Variants in MAP4 observed in about 807,000 individuals in gnomAD.
MAP4 encodes the protein microtubule-associated protein 4.
Under a neutral mutation model 170.2 loss-of-function variants are expected in MAP4, and 76 were observed. That is an observed-to-expected ratio of 0.45 (90% CI 0.37 to 0.54). MAP4 has a LOEUF of 0.54. Among genes scored for constraint, MAP4 ranks in the 20% least tolerant of loss-of-function variants. MAP4 has a pLI of 0.00. For missense variants in MAP4, 2,506 were observed against 2,748.0 expected (o/e 0.91, Z 1.97); for synonymous variants, 909 against 994.5 (o/e 0.91, Z 1.62).
At chr3:48,020,392 T>C (rs1476899504), upstream of MAP4, among the ~76,000 whole-genome samples, 4 of 152,230 alleles carry the variant, frequency 2.6e-5, no homozygotes, top group Non-Finnish European at 2.9e-5. Flanking sequence ...CTTGCTGGGG[T>C]TGATGTTTGC....
upstream of MAP4, among the ~76,000 whole-genome samples, chr3:48,018,757 C>T (rs924655900): frequency 4.0e-5 from 6 of 151,894 alleles, no homozygotes; most frequent in Non-Finnish European, 5.9e-5. Flanking sequence ...GAGCCAAGAT[C>T]GTGTCACTGC....
chr3:47,909,722 C>G lies in MAP4; in HGVS notation c.4699G>C (p.Val1567Leu). 6.2e-7 allele frequency: 1 copy of G among 1,614,040 alleles called. No individual in the cohort carries two copies. The highest frequency in any genetic ancestry group is 8.5e-7 in the Non-Finnish European group (1 of 1,179,906). The change falls in exon 9 of 21, where the codon GTC (valine) becomes CTC (leucine). Residue 1567 changes from valine (V) to leucine (L), a missense_variant. Around this residue, in one of 3 missense-constraint regions of MAP4, gnomAD observed 2,008 missense variants for 2,206.0 expected, o/e 0.91. Transcript: ENST00000683076. ...SGASKHSVEK[V>L]TELAKGHLLP... Reference sequence around the variant, plus strand: ...AGGTGACCTTTTGCTAGCTCTGTGACTTTCTCTACTGAATGCTTAGACGCA... The same window carrying G: ...AGGTGACCTTTTGCTAGCTCTGTGAGTTTCTCTACTGAATGCTTAGACGCA...
intron 3 of MAP4, chr3:47,974,023 G>A (rs2100080422): frequency 1.0e-6 from 1 of 985,308 alleles, no homozygotes; most frequent in African/African-American, 1.7e-5. Context: ...CCCTGTAGAA[G>A]AGGGAATGCT....
rs192259647 is a variant in MAP4 at position 47,912,090 on chromosome 3, T to C, written c.2331A>G (p.Gln777=). 7 of 1,536,180 alleles carry C rather than the reference T, an allele frequency of 4.6e-6. No individual in the cohort carries two copies. The East Asian group carries it at 1.5e-4, about 32-fold the overall frequency. ...MMKKKKKKPK[Q]KRYSQPRAGG... is the part of the protein sequence containing the mutation. ...CAGCCCGTGGTTGAGAATATCTCTT[T>C]TGCTTTGGTTTCTTCTTCTTTTTCT... is the stretch of plus-strand genomic sequence containing the variant. The change falls in exon 9 of 21, where the codon CAA becomes CAG. Residue 777 remains glutamine (Q), a synonymous_variant. Coordinates refer to ENST00000683076, the MANE Select transcript of MAP4 (RefSeq NM_001385682.1).
chr3:47,908,911 A>G (rs1043346207), intron 9 of MAP4, 127 bp downstream of exon 9: 1 of 1,018,924 alleles, frequency 9.8e-7, no homozygotes, highest in African/African-American at 1.6e-5. Context: ...TATAGGTTTC[A>G]TGCCAACAAA....
intron 1 of MAP4, among the ~76,000 whole-genome samples, chr3:48,064,826 A>T (rs962357531): frequency 6.6e-6 from 1 of 152,196 alleles, no homozygotes; most frequent in Non-Finnish European, 1.5e-5. Flanking sequence ...TGAATACTGC[A>T]GGCAGTTGTA....
At chr3:47,895,312 C>T (rs1031562302) in intron 10 of MAP4, among the ~76,000 whole-genome samples, 1 of 152,218 alleles carries the variant, frequency 6.6e-6, no homozygotes, top group East Asian at 1.9e-4. Flanking sequence ...GTTTCTTCCT[C>T]TATAAAAGGA....
At chr3:48,048,154 A>G (rs1035636621) in intron 1 of MAP4, among the ~76,000 whole-genome samples, 5 of 152,202 alleles carry the variant, frequency 3.3e-5, no homozygotes, top group African/African-American at 4.8e-5. Context: ...AGAAAAGAAA[A>G]TGACAAGAAC....
In MAP4 at chr3:48,074,679, TGTGTGTGTGTGTG is replaced by T. The variant is rs1559906075; in HGVS notation, c.-20+14081_-20+14093del. Among the ~76,000 whole-genome samples, 190 of 125,426 alleles carry T rather than the reference TGTGTGTGTGTGTG, an allele frequency of 1.5e-3. 2 individuals carry two copies. The highest frequency in any genetic ancestry group is 4.9e-3 in the African/African-American group (172 of 35,224). 82.3% of individuals were successfully genotyped at this position (125,426 alleles called of 152,430 possible). A position where few individuals can be genotyped will look rare whatever the true frequency, so the allele number is the denominator to read the frequency against. On this transcript the variant is annotated intron_variant, in intron 1 of 18. Coordinates refer to the MAP4 transcript ENST00000360240. The stretch of plus-strand genomic sequence containing the variant: ...GCAAGCCACCACATCCAGCTAATTG[TGTGTGTGTGTGTG>T]TGTGTGTGTGTGTGTGTGTGTGTGT...
chr3:47,971,011 A>G (rs1559648359), intron 3 of MAP4, among the ~76,000 whole-genome samples: 1 of 152,194 alleles, frequency 6.6e-6, no homozygotes, highest in Non-Finnish European at 1.5e-5. Flanking sequence ...AACACTCTAA[A>G]CGTAAATGTA....
At chr3:47,882,812 AT>A (rs970187820) in intron 10 of MAP4, among the ~76,000 whole-genome samples, 4 of 147,450 alleles carry the variant, frequency 2.7e-5, no homozygotes, top group Admixed American at 6.8e-5. Flanking sequence ...CCCTACTTTA[AT>A]TTTTTTTTTT....
intron 3 of MAP4, among the ~76,000 whole-genome samples, chr3:47,966,375 T>C (rs2100075049): frequency 1.3e-5 from 2 of 151,132 alleles, no homozygotes; most frequent in African/African-American, 4.9e-5. Flanking sequence ...GCCTCCTGAG[T>C]AGCTGGGACT....
At chr3:47,854,448 G>C (rs1420177501) in intron 19 of MAP4, among the ~76,000 whole-genome samples, 2 of 152,190 alleles carry the variant, frequency 1.3e-5, no homozygotes, top group Admixed American at 1.3e-4. Flanking sequence ...AGAGATGGAA[G>C]GGAAGGCCCA....
At chr3:48,030,724 AG>A (rs1249250166) in intron 1 of MAP4, among the ~76,000 whole-genome samples, 1 of 142,518 alleles carries the variant, frequency 7.0e-6, no homozygotes. Context: ...GCTTGAACCC[AG>A]GAAGTGTAGG....
Position 47,911,812 on chromosome 3 carries a change from C to T in MAP4, c.2609G>A (p.Ser870Asn), listed in dbSNP as rs1283021933. ...CTCTACTCTCAGCTTAGACTGAGAA[C>T]TTATTGCAGTTTTGGGGGCTTCTTC... ...PSEEAPKTAISSQSKLRVEEE... is the reference protein window; with the variant it reads ...PSEEAPKTAINSQSKLRVEEE... The change falls in exon 9 of 21, where the codon AGT (serine) becomes AAT (asparagine). Residue 870 changes from serine to asparagine, a missense_variant. Coordinates refer to ENST00000683076, the MANE Select transcript of MAP4 (RefSeq NM_001385682.1). The surrounding 1 kb of genome is among the most constrained non-coding windows in gnomAD (Gnocchi z 4.0). 1 of 1,535,992 alleles carries T rather than the reference C, an allele frequency of 6.5e-7. No homozygotes were observed. The highest frequency in any genetic ancestry group is 1.4e-5 in the African/African-American group (1 of 73,022).
intron 1 of MAP4, among the ~76,000 whole-genome samples, chr3:48,014,743 CTG>C (rs1012969992): frequency 6.6e-6 from 1 of 152,044 alleles, no homozygotes; most frequent in African/African-American, 2.4e-5. Context: ...CTTCATTTTA[CTG>C]TGTCACATTA....
chr3:47,922,106 C>G (rs1345961279), intron 4 of MAP4, among the ~76,000 whole-genome samples: 1 of 152,058 alleles, frequency 6.6e-6, no homozygotes, highest in Non-Finnish European at 1.5e-5. Context: ...CGCCACCATG[C>G]CTGGCTAATT....
At chr3:47,950,137 CT>C (rs1170980281) in intron 3 of MAP4, among the ~76,000 whole-genome samples, 1 of 152,220 alleles carries the variant, frequency 6.6e-6, no homozygotes, top group Non-Finnish European at 1.5e-5. Flanking sequence ...TTCTTTCATA[CT>C]CTGCCTCAGG....
intron 6 of MAP4, 90 bp downstream of exon 6, chr3:47,918,629 C>T: frequency 1.0e-6 from 1 of 992,642 alleles, no homozygotes; most frequent in Non-Finnish European, 1.6e-6. Context: ...TTTATACCTG[C>T]TGTAAGCTGC....
Sources: gnomAD v4.1 joint callset for allele counts (sites outside exome capture counted in the v4.1 genomes callset) on GRCh38, gnomAD v4.1.1 for gene constraint, gnomAD v4.1.1 regional missense constraint, Gnocchi (gnomAD v3.1) non-coding constraint, MANE v1.5 for transcripts, NCBI Gene and HGNC (gene_info 2026-07-23, HGNC 2026-07-21) for gene names.